ARNT2: variants seen among roughly 807,000 people sequenced by gnomAD.
The protein encoded by ARNT2 is ARNT protein 2.
A neutral mutation model predicts 91.7 loss-of-function variants in ARNT2; 36 were observed. The observed-to-expected ratio is 0.39, with a 90% confidence interval of 0.30 to 0.52. The LOEUF (loss-of-function observed/expected upper bound fraction) is 0.52. ARNT2 is among the 20% of genes least tolerant of loss of function. The pLI is 0.72. For synonymous variants in ARNT2, 365 were observed against 347.1 expected (o/e 1.05, Z -0.57); for missense variants, 775 against 939.3 (o/e 0.83, Z 2.29).
chr15:80,541,783 T>C (rs1268383146), intron 8 of ARNT2, among the ~76,000 whole-genome samples: 1 of 152,244 alleles, frequency 6.6e-6, no homozygotes. Flanking sequence ...ATATGTAGAT[T>C]GCACAGTCCT....
intron 1 of ARNT2, among the ~76,000 whole-genome samples, chr15:80,427,400 C>T (rs764657550): frequency 3.9e-5 from 6 of 152,072 alleles, no homozygotes; most frequent in Non-Finnish European, 7.3e-5. Flanking sequence ...GCATGAGGGC[C>T]GTTCTTGGTA....
At chr15:80,517,484 G>A (rs878902845) in intron 8 of ARNT2, among the ~76,000 whole-genome samples, 1 of 152,028 alleles carries the variant, frequency 6.6e-6, no homozygotes, top group Non-Finnish European at 1.5e-5. Flanking sequence ...TGGATCTGTG[G>A]TTTGATGTCT....
At chr15:80,571,188 TG>T (rs1243012511) in intron 12 of ARNT2, among the ~76,000 whole-genome samples, 1 of 152,190 alleles carries the variant, frequency 6.6e-6, no homozygotes, top group Non-Finnish European at 1.5e-5. Context: ...TGTCTGCAAA[TG>T]GATCAGGCTG....
intron 11 of ARNT2, among the ~76,000 whole-genome samples, chr15:80,558,548 C>T (rs2141462384): frequency 6.6e-6 from 1 of 152,106 alleles, no homozygotes; most frequent in East Asian, 1.9e-4. Flanking sequence ...CCATGTTGGC[C>T]AGGCTGGTCT....
chr15:80,524,087 G>A (rs1357393406), intron 8 of ARNT2, among the ~76,000 whole-genome samples: 3 of 152,120 alleles, frequency 2.0e-5, no homozygotes, highest in East Asian at 3.9e-4. Flanking sequence ...AACTTAATAG[G>A]GAGAAATGAG....
intron 12 of ARNT2, 29 bp downstream of exon 12, chr15:80,563,268 G>A (rs764058530): frequency 6.2e-7 from 1 of 1,612,936 alleles, no homozygotes; most frequent in Non-Finnish European, 8.5e-7. Context: ...CCCTCTCCTG[G>A]AATCCACATG....
intron 1 of ARNT2, among the ~76,000 whole-genome samples, chr15:80,414,441 C>T (rs1412769423): frequency 6.6e-6 from 1 of 152,170 alleles, no homozygotes; most frequent in African/African-American, 2.4e-5. Context: ...AGGAGTTTCA[C>T]AAGGACATGT....
At chr15:80,431,506 C>T (rs900924974) in intron 1 of ARNT2, among the ~76,000 whole-genome samples, 10 of 152,172 alleles carry the variant, frequency 6.6e-5, no homozygotes, top group Admixed American at 6.5e-4. Context: ...CTCCCTGGCT[C>T]CCTTTGAGCC....
At chr15:80,406,253 C>T (rs1032634316) in intron 1 of ARNT2, among the ~76,000 whole-genome samples, 6 of 152,198 alleles carry the variant, frequency 3.9e-5, no homozygotes, top group African/African-American at 1.2e-4. Context: ...AAGGCAGTTC[C>T]ATCAGCAGAA....
chr15:80,437,597 A>T (rs1229312218), intron 1 of ARNT2, among the ~76,000 whole-genome samples: 2 of 152,184 alleles, frequency 1.3e-5, no homozygotes, highest in Non-Finnish European at 2.9e-5. Flanking sequence ...TTTCAGCCTC[A>T]AATTCTGCCT....
intron 8 of ARNT2, 194 bp from the exon 9 acceptor site, chr15:80,551,005 A>C: frequency 1.8e-6 from 1 of 564,898 alleles, no homozygotes; most frequent in South Asian, 2.2e-5. Flanking sequence ...ATGTACCATA[A>C]AATTATCAAA....
intron 5 of ARNT2, among the ~76,000 whole-genome samples, chr15:80,489,326 A>G (rs1261462066): frequency 6.6e-6 from 1 of 152,246 alleles, no homozygotes; most frequent in Non-Finnish European, 1.5e-5. Context: ...ATTGAGGAAA[A>G]CATCTGCATC....
chr15:80,469,209 G>A (rs1896699628), intron 3 of ARNT2, among the ~76,000 whole-genome samples: 1 of 152,116 alleles, frequency 6.6e-6, no homozygotes, highest in African/African-American at 2.4e-5. Context: ...AAAAAGCCTG[G>A]GTTGGAAACA....
At chr15:80,480,792 T>G (rs1322814848) in intron 5 of ARNT2, among the ~76,000 whole-genome samples, 1 of 152,096 alleles carries the variant, frequency 6.6e-6, no homozygotes, top group African/African-American at 2.4e-5. Context: ...CCTTCTTTGC[T>G]TCCTTTCTTC....
intron 1 of ARNT2, among the ~76,000 whole-genome samples, chr15:80,417,800 G>C (rs1391215489): frequency 6.6e-6 from 1 of 152,162 alleles, no homozygotes; most frequent in Non-Finnish European, 1.5e-5. Flanking sequence ...GTGAAATGAG[G>C]TGGCTCCTCC....
At chr15:80,554,941 T>C in intron 10 of ARNT2, 124 bp from the exon 11 acceptor site, 1 of 993,594 alleles carries the variant, frequency 1.0e-6, no homozygotes. Context: ...TCAAAAAATC[T>C]GGGGTGGGAC....
intron 1 of ARNT2, among the ~76,000 whole-genome samples, chr15:80,405,543 AG>A (rs1376840334): frequency 6.6e-6 from 1 of 152,186 alleles, no homozygotes; most frequent in Non-Finnish European, 1.5e-5. Context: ...CTCTCATCAT[AG>A]AATTAGGAAT....
chr15:80,407,276 C>G (rs938240393), intron 1 of ARNT2, among the ~76,000 whole-genome samples: 1 of 152,210 alleles, frequency 6.6e-6, no homozygotes, highest in African/African-American at 2.4e-5. Flanking sequence ...ACAGCAGAAC[C>G]ATTTACAATG....
Position 80,470,439 on chromosome 15 carries a change from G to C in ARNT2, c.408+8G>C, listed in dbSNP as rs1896716949. 1 of 1,613,532 alleles carries C rather than the reference G, an allele frequency of 6.2e-7. No individual in the cohort carries two copies. Among genetic ancestry groups the C allele is most frequent in the African/African-American group, 1.3e-5 (1 of 75,012 alleles). On this transcript the variant is annotated splice_region_variant and intron_variant, in intron 4 of 18. Coordinates refer to ENST00000303329, the MANE Select transcript of ARNT2 (RefSeq NM_014862.4). ...TCCTTCCTCACAGAGCAGGTACCCTGGTCATCACATCACCATTGGAAAGCG... is the reference window on the plus strand; with the variant it reads ...TCCTTCCTCACAGAGCAGGTACCCTCGTCATCACATCACCATTGGAAAGCG...
Sources: gnomAD v4.1 joint callset for allele counts (sites outside exome capture counted in the v4.1 genomes callset) on GRCh38, gnomAD v4.1.1 for gene constraint, MANE v1.5 for transcripts, NCBI Gene and HGNC (gene_info 2026-07-23, HGNC 2026-07-21) for gene names.